ZNF280D: variants seen among roughly 807,000 people sequenced by gnomAD.
The protein encoded by ZNF280D is zinc finger protein 280D, also known as suppressor of hairy wing homolog 4.
ZNF280D carries 39 observed loss-of-function variants against 94.7 expected under a neutral mutation model. That is an observed-to-expected ratio of 0.41 (90% CI 0.32 to 0.54). The LOEUF is 0.54. ZNF280D is among the 20% of genes least tolerant of loss of function. The probability of loss-of-function intolerance (pLI) is 0.22; values close to 1 mark genes in which losing one functional copy is unlikely to be tolerated. For missense variants in ZNF280D, 1,090 were observed against 1,149.3 expected (o/e 0.95, Z 0.75); for synonymous variants, 398 against 377.6 (o/e 1.05, Z -0.63).
Position 56,704,112 on chromosome 15 carries a change from A to G in ZNF280D, c.175+9T>C, listed in dbSNP as rs367919779. The G allele has an allele frequency of 8.1e-6, 13 of 1,613,152 alleles. No homozygotes were observed. The highest frequency in any genetic ancestry group is 1.3e-5 in the African/African-American group (1 of 74,854). On this transcript the variant is annotated intron_variant, in intron 4 of 21. Transcript: ENST00000267807. ...ATAAAGCTTGGTTTCACTAAAAGTA[A>G]ATGCTTACTTGAAATTGCTGGTTTT... is the stretch of plus-strand genomic sequence containing the variant.
chr15:56,653,982 C>A (rs1195322815), intron 19 of ZNF280D: 54 of 1,406,574 alleles, frequency 3.8e-5, no homozygotes, highest in Non-Finnish European at 4.8e-5. Context: ...TGTAAGAAAA[C>A]ATCTCAGAAC....
chr15:56,722,336 T>C (rs554975263), intron 1 of ZNF280D, among the ~76,000 whole-genome samples: 1 of 152,338 alleles, frequency 6.6e-6, no homozygotes, highest in Non-Finnish European at 1.5e-5. Context: ...TGAGATAGAC[T>C]TGCTCAACAA....
At chr15:56,639,011 G>A (rs903107133) in intron 20 of ZNF280D, among the ~76,000 whole-genome samples, 1 of 151,852 alleles carries the variant, frequency 6.6e-6, no homozygotes, top group Non-Finnish European at 1.5e-5. Flanking sequence ...AAAGAAAGGG[G>A]CTTGGAGACA....
intron 20 of ZNF280D, among the ~76,000 whole-genome samples, chr15:56,639,772 A>G (rs1448976524): frequency 3.3e-5 from 5 of 152,192 alleles, no homozygotes; most frequent in African/African-American, 1.2e-4. Flanking sequence ...AGAGGACACA[A>G]TTCATCAAAA....
intron 20 of ZNF280D, among the ~76,000 whole-genome samples, chr15:56,641,469 CAA>C (rs1173628508): frequency 1.3e-5 from 2 of 151,870 alleles, no homozygotes; most frequent in East Asian, 1.9e-4. Flanking sequence ...AATTTGTGTG[CAA>C]AGTGTCTCAA....
At chr15:56,727,231 A>AGGCCAAGGTG (rs57892265) in intron 1 of ZNF280D, among the ~76,000 whole-genome samples, 2 of 151,386 alleles carry the variant, frequency 1.3e-5, no homozygotes, top group East Asian at 2.0e-4. Flanking sequence ...GCACTTTGGG[A>AGGCCAAGGTG]GGTGGGTCAC....
chr15:56,638,279 G>A (rs1162368051), intron 20 of ZNF280D, among the ~76,000 whole-genome samples: 4 of 152,130 alleles, frequency 2.6e-5, no homozygotes, highest in African/African-American at 7.2e-5. Flanking sequence ...GGGCCAATAA[G>A]TTCCAAATGA....
chr15:56,667,009 T>C lies in ZNF280D; in HGVS notation c.1546-23A>G, dbSNP rs777740352. 1.1e-4 allele frequency: 174 copies of C among 1,513,698 alleles called. 1 individual carries two copies. The highest frequency in any genetic ancestry group is 4.9e-5 in the Non-Finnish European group (55 of 1,130,196). 93.8% of individuals were successfully genotyped at this position (1,513,698 alleles called of 1,614,324 possible). ...AACCTACAAAAATAAAGAGAAGATT[T>C]GCTTTAAGAGATTAATCAGTACATT... On this transcript the variant is annotated intron_variant, in intron 14 of 21. Coordinates refer to ENST00000267807, the MANE Select transcript of ZNF280D (RefSeq NM_017661.4).
intron 16 of ZNF280D, among the ~76,000 whole-genome samples, chr15:56,662,095 A>T (rs2053978909): frequency 6.6e-6 from 1 of 152,180 alleles, no homozygotes; most frequent in African/African-American, 2.4e-5. Flanking sequence ...TGCTACAAAA[A>T]AGAGATACTG....
chr15:56,726,966 G>A (rs1220525516), intron 1 of ZNF280D, among the ~76,000 whole-genome samples: 1 of 152,092 alleles, frequency 6.6e-6, no homozygotes, highest in Non-Finnish European at 1.5e-5. Flanking sequence ...TCAAACAAGT[G>A]GTTAGACGTA....
At chr15:56,640,648 T>C (rs16977024) in intron 20 of ZNF280D, among the ~76,000 whole-genome samples, 2,750 of 152,272 alleles carry the variant, frequency 0.018, 79 homozygotes, top group African/African-American at 0.062. Context: ...CAAACTGTCA[T>C]GTACAATTTC....
At chr15:56,645,848 A>T (rs148094083) in intron 19 of ZNF280D, among the ~76,000 whole-genome samples, 22 of 152,086 alleles carry the variant, frequency 1.4e-4, no homozygotes, top group Non-Finnish European at 4.4e-5. Context: ...TGCCCAGCCA[A>T]TCCATACAAA....
At chr15:56,700,087 C>A (rs1007147514) in intron 6 of ZNF280D, 1 of 511,568 alleles carries the variant, frequency 2.0e-6, no homozygotes, top group African/African-American at 2.1e-5. Context: ...GACCCTCAAA[C>A]CTCTGAAAGG....
At chr15:56,704,811 T>C (rs1291578563) in intron 3 of ZNF280D, among the ~76,000 whole-genome samples, 1 of 152,000 alleles carries the variant, frequency 6.6e-6, no homozygotes, top group African/African-American at 2.4e-5. Context: ...TGAAACCCCA[T>C]CTCTATTAAA....
At chr15:56,654,923 G>C in intron 17 of ZNF280D, 1 of 380,756 alleles carries the variant, frequency 2.6e-6, no homozygotes, top group Non-Finnish European at 5.4e-6. Flanking sequence ...TAGGTATTGT[G>C]AATATAATGG....
chr15:56,660,887 T>G (rs1167264741), intron 16 of ZNF280D, among the ~76,000 whole-genome samples: 2 of 151,510 alleles, frequency 1.3e-5, no homozygotes, highest in African/African-American at 4.9e-5. Context: ...AGGAACAATT[T>G]CCTTAAAAAT....
Position 56,632,159 on chromosome 15 carries a change from A to T in ZNF280D, c.2316-37T>A. On this transcript the variant is annotated intron_variant, in intron 21 of 21. Coordinates refer to ENST00000267807, the MANE Select transcript of ZNF280D (RefSeq NM_017661.4). ...AGTCATTTATTATGTATTTCTTCATAAAGCAATGTTTTTGAACACTGTCAA... is the reference window on the plus strand; with the variant it reads ...AGTCATTTATTATGTATTTCTTCATTAAGCAATGTTTTTGAACACTGTCAA... 3 of 1,475,492 alleles carry T rather than the reference A, an allele frequency of 2.0e-6. No individual in the cohort carries two copies. The South Asian group carries it at 4.1e-5, about 20-fold the overall frequency. 91.4% of individuals were successfully genotyped at this position (1,475,492 alleles called of 1,614,324 possible).
intron 1 of ZNF280D, among the ~76,000 whole-genome samples, chr15:56,722,383 T>C (rs2058413708): frequency 6.6e-6 from 1 of 152,200 alleles, no homozygotes; most frequent in Non-Finnish European, 1.5e-5. Context: ...AAATGCAATA[T>C]CTGCAAACCA....
intron 13 of ZNF280D, 100 bp from the exon 14 acceptor site, chr15:56,669,057 T>C: frequency 8.8e-7 from 1 of 1,133,046 alleles, no homozygotes; most frequent in Non-Finnish European, 1.2e-6. Flanking sequence ...ACCTAAATAA[T>C]GTAAAAACTT....
Sources: gnomAD v4.1 joint callset for allele counts (sites outside exome capture counted in the v4.1 genomes callset) on GRCh38, gnomAD v4.1.1 for gene constraint, MANE v1.5 for transcripts, NCBI Gene and HGNC (gene_info 2026-07-23, HGNC 2026-07-21) for gene names.